CMTM7: variants seen among roughly 807,000 people sequenced by gnomAD.
The protein encoded by CMTM7 is CKLF-like MARVEL transmembrane domain-containing protein 7.
In CMTM7, 7 loss-of-function variants were observed where a neutral mutation model predicts 19.3. The observed-to-expected ratio is 0.36, with a 90% confidence interval of 0.21 to 0.68. The LOEUF (loss-of-function observed/expected upper bound fraction) is 0.68. Ranked by LOEUF, CMTM7 falls within the 30% of genes least tolerant of loss-of-function variation. The pLI is 0.60. For synonymous variants in CMTM7, 87 were observed against 99.3 expected (o/e 0.88, Z 0.74); for missense variants, 193 against 232.6 (o/e 0.83, Z 1.11).
chr3:32,414,069 G>T (rs900432022), intron 1 of CMTM7, among the ~76,000 whole-genome samples: 1 of 152,158 alleles, frequency 6.6e-6, no homozygotes, highest in African/African-American at 2.4e-5. Context: ...GCTCCTCGGA[G>T]TATCAGCCAA....
chr3:32,399,265 T>TG (rs1372227041), intron 1 of CMTM7, among the ~76,000 whole-genome samples: 1 of 148,700 alleles, frequency 6.7e-6, no homozygotes, highest in African/African-American at 2.4e-5. Context: ...AACCTTTTGT[T>TG]TTTTTTTTTT....
rs1483560870 is a variant in CMTM7, at chr3:32,448,048, T to C, written c.334-1406T>C. Among the ~76,000 whole-genome samples, 3 of 152,306 alleles carry C rather than the reference T, an allele frequency of 2.0e-5. No individual in the cohort carries two copies. The East Asian group carries it at 5.8e-4, about 29-fold the overall frequency. ...TCTGGGGCTTACCTGATGCAGATAC[T>C]GAACAAGCAAAGGAGAGAACAAAAG... is the stretch of plus-strand genomic sequence containing the variant. On this transcript the variant is annotated intron_variant, in intron 2 of 4. Transcript: ENST00000334983.
intron 1 of CMTM7, among the ~76,000 whole-genome samples, chr3:32,423,437 C>T (rs1171576778): frequency 1.3e-5 from 2 of 152,138 alleles, no homozygotes; most frequent in Non-Finnish European, 2.9e-5. Flanking sequence ...ATAAGCTGCT[C>T]AGGGGTAGGG....
At chr3:32,397,959 A>G (rs1695942453) in intron 1 of CMTM7, among the ~76,000 whole-genome samples, 1 of 152,204 alleles carries the variant, frequency 6.6e-6, no homozygotes, top group South Asian at 2.1e-4. Flanking sequence ...ACCTTATGGA[A>G]GAGGATCAGA....
intron 1 of CMTM7, among the ~76,000 whole-genome samples, chr3:32,401,372 C>T (rs1360926539): frequency 6.6e-6 from 1 of 152,180 alleles, no homozygotes; most frequent in Non-Finnish European, 1.5e-5. Context: ...ATGGAAATAC[C>T]AGCCCAAAGT....
chr3:32,444,601 T>A (rs1232597943), intron 2 of CMTM7, among the ~76,000 whole-genome samples: 1 of 152,372 alleles, frequency 6.6e-6, no homozygotes, highest in South Asian at 2.1e-4. Context: ...GGGATTATAA[T>A]AGGAATTATG....
At chr3:32,416,744 G>A (rs1274829917) in intron 1 of CMTM7, among the ~76,000 whole-genome samples, 1 of 152,182 alleles carries the variant, frequency 6.6e-6, no homozygotes, top group Admixed American at 6.5e-5. Context: ...CCTGGGCTCT[G>A]GTGTAGATGA....
chr3:32,408,088 T>C (rs1696114710), intron 1 of CMTM7, among the ~76,000 whole-genome samples: 1 of 151,916 alleles, frequency 6.6e-6, no homozygotes, highest in African/African-American at 2.4e-5. Flanking sequence ...ACAGAGAAGG[T>C]GATGGTGACA....
chr3:32,398,228 C>T (rs1363178815), intron 1 of CMTM7, among the ~76,000 whole-genome samples: 3 of 152,222 alleles, frequency 2.0e-5, no homozygotes, highest in Non-Finnish European at 4.4e-5. Flanking sequence ...TAATCTTACG[C>T]TATGTGAAAT....
At chr3:32,451,841 G>A (rs770936873) in intron 3 of CMTM7, 1 of 347,878 alleles carries the variant, frequency 2.9e-6, no homozygotes, top group Non-Finnish European at 5.6e-6. Context: ...AAGGGAAAGG[G>A]TGCTGCCTTG....
chr3:32,415,059 C>G (rs1044382582), intron 1 of CMTM7, among the ~76,000 whole-genome samples: 2 of 152,092 alleles, frequency 1.3e-5, no homozygotes, highest in African/African-American at 4.8e-5. Context: ...AGTACTTTAG[C>G]TGGGGATGGA....
rs756298544 is a variant in CMTM7 at position 32,452,073 on chromosome 3, A to G, written c.433-319A>G. 4.3e-6 allele frequency: 6 copies of G among 1,383,492 alleles called. No homozygotes were observed. The South Asian group carries it at 6.1e-5, about 14-fold the overall frequency. 85.7% of individuals were successfully genotyped at this position (1,383,492 alleles called of 1,614,324 possible). Reference sequence around the variant, plus strand: ...TCTTCTCTTTTGGTCCAGGATAATCAAAGTCCATTGGCTTAGCCCCAGCTT... The same window carrying G: ...TCTTCTCTTTTGGTCCAGGATAATCGAAGTCCATTGGCTTAGCCCCAGCTT... On this transcript the variant is annotated intron_variant, in intron 3 of 4. Transcript: ENST00000334983.
chr3:32,430,714 T>TGTGTGTGTGTGTGTGTGTGTGTGTGTGA (rs10634592), intron 1 of CMTM7, among the ~76,000 whole-genome samples: 93 of 149,696 alleles, frequency 6.2e-4, no homozygotes, highest in African/African-American at 2.0e-3. Flanking sequence ...TGTGTGTGTG[T>TGTGTGTGTGTGTGTGTGTGTGTGTGTGA]GACACAGCTC....
intron 1 of CMTM7, among the ~76,000 whole-genome samples, chr3:32,398,560 G>A (rs1454893728): frequency 6.6e-6 from 1 of 151,976 alleles, no homozygotes; most frequent in Non-Finnish European, 1.5e-5. Flanking sequence ...AAACAGGTTC[G>A]AAATTATGAA....
rs890831692 is a variant in CMTM7, at chr3:32,426,449, C to A, written c.160-15391C>A. 8.5e-5 allele frequency among the ~76,000 whole-genome samples: 13 copies of A among 152,260 alleles called. No homozygotes were observed. The East Asian group carries it at 1.2e-3, about 14-fold the overall frequency. On this transcript the variant is annotated intron_variant, in intron 1 of 4. Coordinates refer to ENST00000334983, the MANE Select transcript of CMTM7 (RefSeq NM_138410.4). ...AGAATTTTAAAAAACACAGAAAAAG[C>A]ATGAAGGGGAAATAATCACCCATAA... is the stretch of plus-strand genomic sequence containing the variant.
At chr3:32,436,165 T>C (rs146938693) in intron 1 of CMTM7, among the ~76,000 whole-genome samples, 2 of 152,334 alleles carry the variant, frequency 1.3e-5, no homozygotes, top group Admixed American at 6.5e-5. Flanking sequence ...GGCATTTTCA[T>C]TTATAGATAC....
Position 32,454,833 on chromosome 3 carries a change from C to T in CMTM7, c.*579C>T, listed in dbSNP as rs931403436. Reference sequence around the variant, plus strand: ...TGTGTTTTTTAATAAAATATTGACTCGGCCAGTTGCACAAGGATTTCTTAT... The same window carrying T: ...TGTGTTTTTTAATAAAATATTGACTTGGCCAGTTGCACAAGGATTTCTTAT... On this transcript the variant is annotated 3_prime_UTR_variant, in exon 5 of 5. Coordinates refer to ENST00000334983, the MANE Select transcript of CMTM7 (RefSeq NM_138410.4). The T allele has an allele frequency of 1.5e-5, 3 of 205,080 alleles. No individual in the cohort carries two copies. Among genetic ancestry groups the T allele is most frequent in the African/African-American group, 4.7e-5 (2 of 42,884 alleles). 12.7% of individuals were successfully genotyped at this position (205,080 alleles called of 1,614,324 possible).
chr3:32,439,256 G>T (rs1280806274), intron 1 of CMTM7, among the ~76,000 whole-genome samples: 1 of 152,196 alleles, frequency 6.6e-6, no homozygotes, highest in African/African-American at 2.4e-5. Context: ...TTGTGTCACA[G>T]CCACACTCTT....
At chr3:32,412,610 GT>G (rs59220521) in intron 1 of CMTM7, among the ~76,000 whole-genome samples, 1 of 142,350 alleles carries the variant, frequency 7.0e-6, no homozygotes, top group Non-Finnish European at 1.5e-5. Flanking sequence ...TAGACCTAGC[GT>G]TTTTTTTTAA....
Sources: allele counts gnomAD v4.1 joint callset (sites outside exome capture counted in the v4.1 genomes callset), GRCh38; gene constraint gnomAD v4.1.1; transcripts MANE v1.5; gene names NCBI Gene and HGNC (gene_info 2026-07-23, HGNC 2026-07-21).